The following DLGAP2 variants were observed in gnomAD, a reference collection of about 807,000 sequenced individuals.
DLGAP2 encodes disks large-associated protein 2.
A neutral mutation model predicts 100.3 loss-of-function variants in DLGAP2; 26 were observed. The observed-to-expected ratio is 0.26, with a 90% confidence interval of 0.19 to 0.36. The LOEUF is 0.36. Among genes scored for constraint, DLGAP2 ranks in the 10% least tolerant of loss-of-function variants. The pLI is 1.00. For synonymous variants in DLGAP2, 886 were observed against 630.1 expected (o/e 1.41, Z -6.08); for missense variants, 1,858 against 1,453.2 (o/e 1.28, Z -4.53).
intron 2 of DLGAP2, among the ~76,000 whole-genome samples, chr8:1,062,183 C>G (rs1803104014): frequency 6.6e-6 from 1 of 152,178 alleles, no homozygotes; most frequent in African/African-American, 2.4e-5. Flanking sequence ...TGCTCTGCAC[C>G]AAGCAGCCCC....
chr8:1,345,344 C>T (rs1327128795), intron 3 of DLGAP2, among the ~76,000 whole-genome samples: 1 of 151,116 alleles, frequency 6.6e-6, no homozygotes, highest in Non-Finnish European at 1.5e-5. Flanking sequence ...GCCAAACACA[C>T]TTGTTAGATT....
At chr8:1,524,712 A>G (rs191318458) in intron 4 of DLGAP2, among the ~76,000 whole-genome samples, 2 of 152,252 alleles carry the variant, frequency 1.3e-5, no homozygotes, top group Non-Finnish European at 2.9e-5. Flanking sequence ...CAAGGGTACA[A>G]GTGACGTCAC....
chr8:923,441 C>G (rs1423610291), intron 2 of DLGAP2, among the ~76,000 whole-genome samples: 1 of 152,246 alleles, frequency 6.6e-6, no homozygotes, highest in Non-Finnish European at 1.5e-5. Context: ...CGCTCTGACC[C>G]TCCATTTTAA....
At chr8:770,530 C>G (rs1291672966) in intron 1 of DLGAP2, among the ~76,000 whole-genome samples, 1 of 152,212 alleles carries the variant, frequency 6.6e-6, no homozygotes, top group African/African-American at 2.4e-5. Flanking sequence ...CTGCCAATCC[C>G]CCGCCTCCTC....
intron 4 of DLGAP2, among the ~76,000 whole-genome samples, chr8:1,531,178 A>G (rs1454064461): frequency 6.6e-6 from 1 of 152,094 alleles, no homozygotes; most frequent in Non-Finnish European, 1.5e-5. Flanking sequence ...CCGCTAAAAA[A>G]GCAGGCAACT....
At chr8:1,001,054 C>T (rs1800941283) in intron 2 of DLGAP2, among the ~76,000 whole-genome samples, 1 of 152,202 alleles carries the variant, frequency 6.6e-6, no homozygotes. Flanking sequence ...TTGATAGTTT[C>T]CACTCACTTC....
intron 8 of DLGAP2, among the ~76,000 whole-genome samples, chr8:1,666,449 G>C (rs947317835): frequency 6.6e-6 from 1 of 152,128 alleles, no homozygotes. Flanking sequence ...GAGGTGGGTG[G>C]ATCATCTGAG....
chr8:996,375 G>A (rs370159983), intron 2 of DLGAP2, among the ~76,000 whole-genome samples: 28 of 152,288 alleles, frequency 1.8e-4, no homozygotes, highest in African/African-American at 5.1e-4. Context: ...AAGAAATGGC[G>A]TCTGAGCAGG....
At chr8:834,696 G>A (rs1796840579) in intron 1 of DLGAP2, among the ~76,000 whole-genome samples, 1 of 152,020 alleles carries the variant, frequency 6.6e-6, no homozygotes, top group African/African-American at 2.4e-5. Flanking sequence ...GGGTCAAGTG[G>A]GTGCTATGCC....
At chr8:904,556 C>T (rs1015263836) in intron 1 of DLGAP2, among the ~76,000 whole-genome samples, 1 of 152,176 alleles carries the variant, frequency 6.6e-6, no homozygotes, top group Admixed American at 6.5e-5. Flanking sequence ...CCCCAGTGGA[C>T]GTGTGGTCAC....
At chr8:1,317,581 CG>C (rs1563079391) in intron 3 of DLGAP2, among the ~76,000 whole-genome samples, 1 of 137,194 alleles carries the variant, frequency 7.3e-6, no homozygotes. Flanking sequence ...CACTCGGCAG[CG>C]TTTAAAAATA....
In DLGAP2 at chr8:1,240,605, G is replaced by A. The variant is rs1469322902; in HGVS notation, c.74-18246G>A. Among the ~76,000 whole-genome samples the A allele has an allele frequency of 2.1e-4, 31 of 149,280 alleles. No homozygotes were observed. The East Asian group carries it at 3.8e-3, about 18-fold the overall frequency. The stretch of plus-strand genomic sequence containing the variant: ...GTCTAGTTCTCTCACATGGTGCCGT[G>A]TCTAGTTCTCTCTCGCACATAGCGT... On this transcript the variant is annotated intron_variant, in intron 2 of 14. Coordinates refer to ENST00000637795, the MANE Select transcript of DLGAP2 (RefSeq NM_001346810.2).
Position 1,701,327 on chromosome 8 carries a change from C to T in DLGAP2, c.3089C>T (p.Ala1030Val), listed in dbSNP as rs1202987415. Residue 1030 changes from alanine (A) to valine (V), a missense_variant, in exon 15 of 15, where the codon GCG (alanine) becomes GTG (valine). Transcript: ENST00000637795. The stretch of plus-strand genomic sequence containing the variant: ...CGCCTCATGGCCGCCAAGCGAGCGG[C>T]GTCCTTCCGGCAGAATTCCGCCTCC... ...RRRLMAAKRA[A>V]SFRQNSASER... 1 of 1,590,744 alleles carries T rather than the reference C, an allele frequency of 6.3e-7. No individual in the cohort carries two copies. The highest frequency in any genetic ancestry group is 8.6e-7 in the Non-Finnish European group (1 of 1,169,366).
intron 2 of DLGAP2, among the ~76,000 whole-genome samples, chr8:1,226,343 C>G (rs914829599): frequency 2.0e-5 from 3 of 152,106 alleles, no homozygotes; most frequent in Non-Finnish European, 4.4e-5. Flanking sequence ...AGCTGGAAGC[C>G]ATTATCCTCA....
intron 3 of DLGAP2, among the ~76,000 whole-genome samples, chr8:1,264,495 G>T (rs1012979850): frequency 4.6e-5 from 7 of 152,154 alleles, no homozygotes; most frequent in Non-Finnish European, 8.8e-5. Flanking sequence ...CACACTCCAG[G>T]TATGGATCTG....
At chr8:1,530,835 C>T (rs1229213266) in intron 4 of DLGAP2, among the ~76,000 whole-genome samples, 1 of 152,180 alleles carries the variant, frequency 6.6e-6, no homozygotes, top group East Asian at 1.9e-4. Flanking sequence ...GCATACCTTC[C>T]CCACTTCCAG....
At chr8:1,468,256 T>G (rs1045319511) in intron 3 of DLGAP2, among the ~76,000 whole-genome samples, 1 of 151,864 alleles carries the variant, frequency 6.6e-6, no homozygotes, top group Non-Finnish European at 1.5e-5. Context: ...TTGTGCCCTG[T>G]TCACACAGCG....
At chr8:1,435,949 G>A (rs1797609059) in intron 3 of DLGAP2, among the ~76,000 whole-genome samples, 1 of 152,140 alleles carries the variant, frequency 6.6e-6, no homozygotes, top group Admixed American at 6.5e-5. Context: ...AAAAATATTT[G>A]TACAGCTGTA....
intron 3 of DLGAP2, among the ~76,000 whole-genome samples, chr8:1,317,776 C>T (rs868154937): frequency 2.9e-5 from 3 of 104,542 alleles, no homozygotes; most frequent in Admixed American, 9.4e-5. Context: ...GGTCTACACT[C>T]GAGACACTCG....
Sources: gnomAD v4.1 joint callset for allele counts (sites outside exome capture counted in the v4.1 genomes callset) on GRCh38, gnomAD v4.1.1 for gene constraint, MANE v1.5 for transcripts, NCBI Gene and HGNC (gene_info 2026-07-23, HGNC 2026-07-21) for gene names.